Variants in LRPPRC observed in about 807,000 individuals in gnomAD.
The protein encoded by LRPPRC is leucine rich pentatricopeptide repeat containing.
LRPPRC carries 120 observed loss-of-function variants against 180.3 expected under a neutral mutation model. The observed-to-expected ratio is 0.67, with a 90% CI of 0.57 to 0.77. LRPPRC has a LOEUF of 0.77. LRPPRC is among the 30% of genes least tolerant of loss of function. The pLI is 0.00. For missense variants in LRPPRC, 2,012 were observed against 1,657.2 expected (o/e 1.21, Z -3.72); for synonymous variants, 723 against 600.0 (o/e 1.21, Z -3.00).
intron 14 of LRPPRC, among the ~76,000 whole-genome samples, chr2:43,956,941 A>G (rs1673143927): frequency 6.6e-6 from 1 of 152,150 alleles, no homozygotes; most frequent in African/African-American, 2.4e-5. Context: ...CCCTTTTACT[A>G]TTCTTTCAGC....
At chr2:43,952,689 G>A (rs1019675160) in intron 14 of LRPPRC, among the ~76,000 whole-genome samples, 2 of 152,148 alleles carry the variant, frequency 1.3e-5, no homozygotes, top group African/African-American at 4.8e-5. Context: ...TTATCTTAAA[G>A]ACAATCCTGC....
chr2:43,950,915 G>A (rs1672876151), intron 14 of LRPPRC, among the ~76,000 whole-genome samples: 1 of 152,154 alleles, frequency 6.6e-6, no homozygotes, highest in Non-Finnish European at 1.5e-5. Flanking sequence ...ACTAGAAGTA[G>A]AAAAATTAGC....
intron 6 of LRPPRC, 39 bp from the exon 7 acceptor site, chr2:43,975,256 C>A (rs1674002137): frequency 1.9e-6 from 3 of 1,578,596 alleles, no homozygotes; most frequent in African/African-American, 2.7e-5. Flanking sequence ...TATGCTTTTG[C>A]CAAATTTAAT....
At chr2:43,992,207 G>A (rs1057057255) in intron 1 of LRPPRC, among the ~76,000 whole-genome samples, 1 of 152,146 alleles carries the variant, frequency 6.6e-6, no homozygotes, top group African/African-American at 2.4e-5. Flanking sequence ...CCTGACTAAG[G>A]GGGAAGGGGA....
rs1266249066 is a variant in LRPPRC, at chr2:43,946,176, G to T, written c.2147C>A (p.Ala716Asp). Residue 716 changes from alanine to aspartate, a missense_variant, in exon 21 of 38, where the codon GCT becomes GAT. Transcript: ENST00000260665. ...ATGTCGACAGCATAAATTTATTAAA[G>T]CTGCATAGCCACCAGTAACCATGTC... The part of the protein sequence containing the change: ...ESDMVTGGYA[A>D]LINLCCRHDK... 6.2e-7 allele frequency: 1 copy of T among 1,611,114 alleles called. No individual in the cohort carries two copies. Among genetic ancestry groups the T allele is most frequent in the Non-Finnish European group, 8.5e-7 (1 of 1,177,536 alleles).
At chr2:43,901,687 C>A (rs966338883) in intron 31 of LRPPRC, 163 bp from the exon 32 acceptor site, 1 of 620,748 alleles carries the variant, frequency 1.6e-6, no homozygotes, top group Admixed American at 2.7e-5. Flanking sequence ...CATGAGATAC[C>A]CCCAAAAATT....
Position 43,974,171 on chromosome 2 carries a change from T to G in LRPPRC, c.1134A>C (p.Gln378His). 1 of 1,613,900 alleles carries G rather than the reference T, an allele frequency of 6.2e-7. No homozygotes were observed. The change falls in exon 9 of 38, where the codon CAA becomes CAC. Residue 378 changes from glutamine (Q) to histidine (H), a missense_variant. By Grantham distance (24) the Gln-to-His change is conservative. Coordinates refer to ENST00000260665, the MANE Select transcript of LRPPRC (RefSeq NM_133259.4). ...ATACCGTATTCATAGTCACACAGTG[T>G]TGTAAAAAGAAACTGCCAAAGACAC... Reference protein sequence around the residue: ...GPSVFGSFFLQHCVTMNTPVE... With the variant: ...GPSVFGSFFLHHCVTMNTPVE...
chr2:43,940,203 T>C (rs1376178016), intron 23 of LRPPRC, among the ~76,000 whole-genome samples: 1 of 152,192 alleles, frequency 6.6e-6, no homozygotes, highest in Non-Finnish European at 1.5e-5. Flanking sequence ...ATTGCAATAA[T>C]GGAGTAAAAG....
chr2:43,936,514 T>C (rs1336507935), intron 23 of LRPPRC, among the ~76,000 whole-genome samples: 1 of 152,248 alleles, frequency 6.6e-6, no homozygotes, highest in East Asian at 1.9e-4. Flanking sequence ...AAAGTCCTTT[T>C]ATACTTCCTG....
At chr2:43,963,209 C>G (rs907512471) in intron 12 of LRPPRC, among the ~76,000 whole-genome samples, 9 of 152,164 alleles carry the variant, frequency 5.9e-5, no homozygotes, top group Non-Finnish European at 1.2e-4. Flanking sequence ...CTATGAGAGG[C>G]TGAGGCAGGT....
chr2:43,922,363 T>TA lies in LRPPRC; in HGVS notation c.2896+2703dup, dbSNP rs558544759. Among the ~76,000 whole-genome samples, 387 of 152,332 alleles carry TA rather than the reference T, an allele frequency of 2.5e-3. 1 individual carries two copies. The highest frequency in any genetic ancestry group is 8.7e-3 in the African/African-American group (361 of 41,574). On this transcript the variant is annotated intron_variant, in intron 27 of 37. Transcript: ENST00000260665. ...ATTTACAACAAAATTAAGTGTGTAT[T>TA]AAGTATGTGAAAGGAACCGTTTTAA...
intron 25 of LRPPRC, among the ~76,000 whole-genome samples, chr2:43,930,494 C>T (rs1672049083): frequency 6.6e-6 from 1 of 152,168 alleles, no homozygotes; most frequent in South Asian, 2.1e-4. Flanking sequence ...ACTGGTTGAA[C>T]ATCCCAAATT....
At chr2:43,888,797 T>G (rs1670367762) in intron 37 of LRPPRC, 141 bp from the exon 38 acceptor site, 1 of 645,510 alleles carries the variant, frequency 1.5e-6, no homozygotes, top group Admixed American at 2.4e-5. Flanking sequence ...GCTTCAGTAC[T>G]CCTTCCTTGT....
chr2:43,944,223 A>G (rs1672596761), intron 22 of LRPPRC, among the ~76,000 whole-genome samples: 1 of 152,024 alleles, frequency 6.6e-6, no homozygotes, highest in South Asian at 2.1e-4. Flanking sequence ...CTGCTAAATC[A>G]CACCATTGTT....
chr2:43,994,826 A>C (rs1486549613), intron 1 of LRPPRC, among the ~76,000 whole-genome samples: 2 of 152,170 alleles, frequency 1.3e-5, no homozygotes. Context: ...TACCAAACCT[A>C]TCTCTGATAA....
chr2:43,921,252 A>G (rs1671689497), intron 27 of LRPPRC, among the ~76,000 whole-genome samples: 1 of 152,214 alleles, frequency 6.6e-6, no homozygotes, highest in East Asian at 1.9e-4. Flanking sequence ...AGATCGGGCC[A>G]CTGCACTCCA....
At chr2:43,921,076 G>A (rs1486681082) in intron 27 of LRPPRC, among the ~76,000 whole-genome samples, 1 of 152,164 alleles carries the variant, frequency 6.6e-6, no homozygotes, top group Non-Finnish European at 1.5e-5. Context: ...CAGATTAGTT[G>A]AGGCCAGGAG....
intron 11 of LRPPRC, 28 bp from the exon 12 acceptor site, chr2:43,963,734 G>C (rs762893567): frequency 2.7e-6 from 3 of 1,131,574 alleles, no homozygotes; most frequent in Non-Finnish European, 4.0e-6. Context: ...GAAGCACAGA[G>C]ATAGAGAACT....
intron 27 of LRPPRC, among the ~76,000 whole-genome samples, chr2:43,924,075 AT>A (rs1247685850): frequency 2.6e-5 from 4 of 152,192 alleles, no homozygotes; most frequent in African/African-American, 9.7e-5. Flanking sequence ...AGCAAGTTTA[AT>A]TTTATTTACA....
Sources: gnomAD v4.1 joint callset for allele counts (sites outside exome capture counted in the v4.1 genomes callset) on GRCh38, gnomAD v4.1.1 for gene constraint, MANE v1.5 for transcripts, NCBI Gene and HGNC (gene_info 2026-07-23, HGNC 2026-07-21) for gene names.